The following FMR1 variants were observed in gnomAD, a reference collection of about 807,000 sequenced individuals.
FMR1 encodes the protein FMRP translational regulator 1.
FMR1 carries 13 observed loss-of-function variants against 50.6 expected under a neutral mutation model. That is an observed-to-expected ratio of 0.26 (90% confidence interval 0.17 to 0.41). The LOEUF is 0.41. Among genes scored for constraint, FMR1 ranks in the 10% least tolerant of loss-of-function variants. FMR1 has a pLI of 1.00. For missense variants in FMR1, 316 were observed against 491.3 expected, an observed-to-expected ratio of 0.64 and a Z score of 3.37; for synonymous variants, 138 against 164.1, an observed-to-expected ratio of 0.84 and a Z score of 1.22.
In FMR1 at chrX:147,934,210, T is replaced by G. The variant is rs781828844; in HGVS notation, c.880+1447T>G. On this transcript the variant is annotated intron_variant, in intron 9 of 16. Coordinates refer to ENST00000370475, the MANE Select transcript of FMR1 (RefSeq NM_002024.6). ...AAAGAGCTGGTAGTTGTTTTGTTTT[T>G]TTTTTTTAATAGCAAATGAGTAGAG... 2.5e-4 allele frequency among the ~76,000 whole-genome samples: 28 copies of G among 110,602 alleles called. No individual in the cohort carries two copies. In the East Asian group the frequency reaches 4.8e-3, roughly 19 times the overall value.
chrX:147,937,280 A>C (rs2043821920), intron 10 of FMR1, among the ~76,000 whole-genome samples, 186 bp from the exon 11 acceptor site: 1 of 112,051 alleles, frequency 8.9e-6, no homozygotes, highest in Non-Finnish European at 1.9e-5. Context: ...TTTTTGAAAG[A>C]TTCTTTTAGC....
At chrX:147,942,818 A>T (rs2044052866) in intron 13 of FMR1, among the ~76,000 whole-genome samples, 1 of 112,520 alleles carries the variant, frequency 8.9e-6, no homozygotes, top group South Asian at 3.6e-4. Context: ...AAAATAGCAT[A>T]TCTGTGCCTT....
At chrX:147,945,276 C>A (rs147296761) in intron 15 of FMR1, among the ~76,000 whole-genome samples, 477 of 112,269 alleles carry the variant, frequency 4.2e-3, no homozygotes, top group Non-Finnish European at 5.9e-3. Context: ...ATAACTAATT[C>A]AGCATCTTGG....
Position 147,928,641 on chromosome X carries a change from CTT to C in FMR1, c.271-15_271-14del. 1 of 1,183,942 alleles carries C rather than the reference CTT, an allele frequency of 8.4e-7. No homozygotes were observed. The highest frequency in any genetic ancestry group is 1.1e-6 in the Non-Finnish European group (1 of 872,366). On this transcript the variant is annotated splice_polypyrimidine_tract_variant and intron_variant, in intron 4 of 16. Transcript: ENST00000370475. The stretch of plus-strand genomic sequence containing the variant: ...CTTTAAAAATTGTGATTAGAAGTGA[CTT>C]TTATTTATTTCTCAGTTTTATGTGA...
At position 147,912,093 on chromosome X, in the gene FMR1, C is replaced by CGGCGGCGGA. The variant is rs1931667459; in HGVS notation, c.-79_-78insAGGCGGCGG. On this transcript the variant is annotated 5_prime_UTR_variant, in exon 1 of 17. Transcript: ENST00000370475. ...GCGGCGGCGGCGGAGGCGGCGGCGG[C>CGGCGGCGGA]GGCGGCGGCGGCGGCGGCTGGGCCT... The CGGCGGCGGA allele has an allele frequency of 1.8e-6, 1 of 561,119 alleles. No homozygotes were observed. Among genetic ancestry groups the CGGCGGCGGA allele is most frequent in the Non-Finnish European group, 2.2e-6 (1 of 455,700 alleles). The allele number at this position is 561,119 out of a possible 1,213,427, so 46.2% of individuals were successfully genotyped here.
At chrX:147,932,033 A>T (rs1425783445) in intron 7 of FMR1, among the ~76,000 whole-genome samples, 2 of 111,628 alleles carry the variant, frequency 1.8e-5, no homozygotes, top group Admixed American at 1.9e-4. Flanking sequence ...ATATTTAAAC[A>T]TTTTTTTACC....
chrX:147,945,062 C>A lies in FMR1; in HGVS notation c.1654+11C>A. On this transcript the variant is annotated intron_variant, in intron 15 of 16. Transcript: ENST00000370475. ...GAGGAGGCTTCAAAGGTATGGAGATCTTCATTAAGAAATCAAAGTGAATTG... is the reference window on the plus strand; with the variant it reads ...GAGGAGGCTTCAAAGGTATGGAGATATTCATTAAGAAATCAAAGTGAATTG... The A allele has an allele frequency of 8.5e-7, 1 of 1,169,994 alleles. No homozygotes were observed. The highest frequency in any genetic ancestry group is 1.1e-6 in the Non-Finnish European group (1 of 873,727).
chrX:147,922,880 G>C lies in FMR1; in HGVS notation c.104+895G>C, dbSNP rs923336376. On this transcript the variant is annotated intron_variant, in intron 2 of 16. Transcript: ENST00000370475. ...CATAGCTAAAGAGTACAGGATTTTT[G>C]TGTGTGTGGCAATGAAAATGTTGTA... Among the ~76,000 whole-genome samples the C allele has an allele frequency of 7.2e-5, 8 of 111,686 alleles. No homozygotes were observed. In the East Asian group the frequency reaches 2.2e-3, roughly 31 times the overall value.
chrX:147,921,882 CAAA>C, intron 1 of FMR1, 48 bp from the exon 2 acceptor site: 2 of 868,531 alleles, frequency 2.3e-6, no homozygotes, highest in Non-Finnish European at 3.4e-6. Flanking sequence ...TAACTAAAAA[CAAA>C]AACTATCTTT....
At position 147,928,563 on chromosome X, in the gene FMR1, C is replaced by G. The variant is rs184275787; in HGVS notation, c.271-96C>G. The G allele has an allele frequency of 4.6e-6, 4 of 872,659 alleles. No homozygotes were observed. The East Asian group carries it at 1.3e-4, about 29-fold the overall frequency. The allele number at this position is 872,659 out of a possible 1,213,427, so 71.9% of individuals were successfully genotyped here. On this transcript the variant is annotated intron_variant, in intron 4 of 16. Transcript: ENST00000370475. ...TGTTTCTGTTGGTCATAAATTTTTTCACATAGATTATTTATTTTAAAATAA... is the reference window on the plus strand; with the variant it reads ...TGTTTCTGTTGGTCATAAATTTTTTGACATAGATTATTTATTTTAAAATAA...
intron 12 of FMR1, among the ~76,000 whole-genome samples, chrX:147,938,963 C>T (rs1190453451): frequency 9.0e-6 from 1 of 111,581 alleles, no homozygotes; most frequent in African/African-American, 3.3e-5. Context: ...TTGGGGTACT[C>T]CAGCAGTTTA....
intron 2 of FMR1, among the ~76,000 whole-genome samples, chrX:147,924,258 G>A (rs1557177044): frequency 9.1e-6 from 1 of 110,340 alleles, no homozygotes; most frequent in African/African-American, 3.3e-5. Context: ...CTTAATATTT[G>A]CCCGCTTATA....
At chrX:147,928,427 A>G (rs1167846470) in intron 4 of FMR1, 34 bp downstream of exon 4, 2 of 1,092,880 alleles carry the variant, frequency 1.8e-6, no homozygotes, top group Admixed American at 4.4e-5. Flanking sequence ...TTTTTCTTAT[A>G]TTGTTTCCTT....
intron 1 of FMR1, among the ~76,000 whole-genome samples, chrX:147,917,716 ATTTAT>A (rs782405004): frequency 1.2e-4 from 13 of 111,413 alleles, no homozygotes; most frequent in South Asian, 1.1e-3. Context: ...CTTTTCTCTC[ATTTAT>A]TTAGTGCCAC....
At chrX:147,926,569 C>T (rs1011532937) in intron 3 of FMR1, among the ~76,000 whole-genome samples, 1 of 110,507 alleles carries the variant, frequency 9.0e-6, no homozygotes, top group Non-Finnish European at 1.9e-5. Context: ...CTCCCTGCAA[C>T]CTCCGCCTCC....
intron 4 of FMR1, 130 bp downstream of exon 4, chrX:147,928,523 A>C (rs1320291893): frequency 1.5e-5 from 11 of 742,482 alleles, no homozygotes; most frequent in Non-Finnish European, 2.2e-5. Flanking sequence ...AAATGTTTTC[A>C]CTATGTGTTC....
At chrX:147,930,081 C>T in intron 6 of FMR1, 40 bp downstream of exon 6, 2 of 1,142,672 alleles carry the variant, frequency 1.8e-6, no homozygotes, top group Non-Finnish European at 2.4e-6. Flanking sequence ...TTTAATTCAT[C>T]TGGGGCAATT....
chrX:147,924,418 G>A (rs1246646122), intron 2 of FMR1, among the ~76,000 whole-genome samples: 1 of 108,995 alleles, frequency 9.2e-6, no homozygotes, highest in Admixed American at 9.9e-5. Flanking sequence ...GACTGCTCCG[G>A]AAGTTGAATC....
chrX:147,931,234 A>G (rs1238006006), intron 7 of FMR1, among the ~76,000 whole-genome samples: 2 of 111,671 alleles, frequency 1.8e-5, no homozygotes, highest in Non-Finnish European at 3.8e-5. Flanking sequence ...TATTATGAAA[A>G]TATACTCATA....
Sources: gnomAD v4.1 joint callset for allele counts (sites outside exome capture counted in the v4.1 genomes callset) on GRCh38, gnomAD v4.1.1 for gene constraint, MANE v1.5 for transcripts, NCBI Gene and HGNC (gene_info 2026-07-23, HGNC 2026-07-21) for gene names.